The following NAA16 variants were observed in gnomAD, a reference collection of about 807,000 sequenced individuals.
NAA16 encodes N-alpha-acetyltransferase 16, NatA auxiliary subunit.
Under a neutral mutation model 110.3 loss-of-function variants are expected in NAA16, and 97 were observed. The ratio of observed to expected loss-of-function variants is 0.88; its 90% CI spans 0.75 to 1.04. NAA16 has a LOEUF of 1.04. Ranked by LOEUF, NAA16 falls within the 50% of genes least tolerant of loss-of-function variation. The probability of loss-of-function intolerance (pLI) is 0.00; values close to 1 mark genes in which losing one functional copy is unlikely to be tolerated. For synonymous variants in NAA16, 372 were observed against 330.6 expected (o/e 1.13, Z -1.36); for missense variants, 1,017 against 1,005.1 (o/e 1.01, Z -0.16).
intron 10 of NAA16, 38 bp downstream of exon 10, chr13:41,355,254 C>G (rs745451867): frequency 7.9e-7 from 1 of 1,260,744 alleles, no homozygotes; most frequent in Non-Finnish European, 1.1e-6. Flanking sequence ...TTTGATTACT[C>G]ATTTCATTTT....
intron 8 of NAA16, among the ~76,000 whole-genome samples, chr13:41,332,394 C>T (rs2042263719): frequency 1.3e-5 from 2 of 151,950 alleles, no homozygotes; most frequent in Non-Finnish European, 1.5e-5. Context: ...AGGAGTACTC[C>T]GGTATATATT....
Position 41,376,863 on chromosome 13 carries a change from C to T in NAA16, c.*1261C>T, listed in dbSNP as rs775321755. The T allele has an allele frequency of 6.6e-6, 1 of 152,074 alleles. No homozygotes were observed. The highest frequency in any genetic ancestry group is 1.5e-5 in the Non-Finnish European group (1 of 68,012). The allele number at this position is 152,074 out of a possible 1,614,324, so 9.4% of individuals were successfully genotyped here. ...TGTAAATATGTCTGTAATATTAATG[C>T]TTCCCTTTATTAAGACAAATATACA... On this transcript the variant is annotated 3_prime_UTR_variant, in exon 20 of 20. Coordinates refer to ENST00000379406, the MANE Select transcript of NAA16 (RefSeq NM_024561.5).
Position 41,374,789 on chromosome 13 carries a change from A to T in NAA16, c.2347A>T (p.Ile783Phe), listed in dbSNP as rs2043395999. Residue 783 changes from isoleucine to phenylalanine, a missense_variant, in exon 19 of 20, where the codon ATT becomes TTT. Transcript: ENST00000379406. Reference protein sequence around the residue: ...FLDKSRQEKAIAIATRLDETI... With the variant: ...FLDKSRQEKAFAIATRLDETI... Reference sequence around the variant, plus strand: ...GGACAAGTCAAGGCAGGAGAAAGCAATTGCTATAGCCACTAGACTAGATGA... The same window carrying T: ...GGACAAGTCAAGGCAGGAGAAAGCATTTGCTATAGCCACTAGACTAGATGA... 6.2e-7 allele frequency: 1 copy of T among 1,613,120 alleles called. No homozygotes were observed. Among genetic ancestry groups the T allele is most frequent in the Non-Finnish European group, 8.5e-7 (1 of 1,179,452 alleles).
chr13:41,311,489 T>C lies in NAA16; in HGVS notation c.-40T>C. 2 of 1,566,836 alleles carry C rather than the reference T, an allele frequency of 1.3e-6. No individual in the cohort carries two copies. The highest frequency in any genetic ancestry group is 1.7e-6 in the Non-Finnish European group (2 of 1,156,254). On this transcript the variant is annotated 5_prime_UTR_variant, in exon 1 of 20. Coordinates refer to ENST00000379406, the MANE Select transcript of NAA16 (RefSeq NM_024561.5). ...CCGCGAAGCGGAGCGCCCGGGCACC[T>C]AGCCTCCCTGCCGGCCACCTAGCCT...
Position 41,358,327 on chromosome 13 carries a change from A to G in NAA16, c.1111A>G (p.Thr371Ala), listed in dbSNP as rs764280298. The G allele has an allele frequency of 6.2e-7, 1 of 1,613,854 alleles. No individual in the cohort carries two copies. Among genetic ancestry groups the G allele is most frequent in the South Asian group, 1.1e-5 (1 of 91,022 alleles). ...PYENGEKEPP[T>A]TLLWVQYFLA... ...AGAGAATGGGGAGAAGGAACCCCCG[A>G]CAACACTACTCTGGGTTCAGTATTT... The change falls in exon 11 of 20, where the codon ACA (threonine) becomes GCA (alanine). Residue 371 changes from threonine to alanine, a missense_variant. By Grantham distance (58) the Thr-to-Ala change is moderately conservative. Coordinates refer to ENST00000379406, the MANE Select transcript of NAA16 (RefSeq NM_024561.5).
Position 41,345,763 on chromosome 13 carries a change from C to G in NAA16, c.1014+9007C>G, listed in dbSNP as rs74833565. Reference sequence around the variant, plus strand: ...GTGCCTGGCTCATTTTTTATAGAGACAGGGTTTCACCATTTGCCCAGGCTG... The same window carrying G: ...GTGCCTGGCTCATTTTTTATAGAGAGAGGGTTTCACCATTTGCCCAGGCTG... On this transcript the variant is annotated intron_variant, in intron 9 of 19. Transcript: ENST00000379406. Among the ~76,000 whole-genome samples, 174 of 152,144 alleles carry G rather than the reference C, an allele frequency of 1.1e-3. 3 individuals are homozygous for G. In the East Asian group the frequency reaches 0.031, roughly 27 times the overall value.
intron 1 of NAA16, among the ~76,000 whole-genome samples, chr13:41,312,604 A>G (rs2041657445): frequency 1.3e-5 from 2 of 152,218 alleles, no homozygotes; most frequent in Non-Finnish European, 2.9e-5. Flanking sequence ...TTAAAGGTGA[A>G]TTTATTGAAA....
At chr13:41,328,184 C>T (rs1442647760) in intron 6 of NAA16, 1 of 152,008 alleles carries the variant, frequency 6.6e-6, no homozygotes, top group African/African-American at 2.4e-5. Flanking sequence ...GACCTTTTAC[C>T]AACCCGCTGA....
chr13:41,350,297 GTTT>G (rs71086566), intron 9 of NAA16, among the ~76,000 whole-genome samples: 2 of 127,356 alleles, frequency 1.6e-5, no homozygotes, highest in East Asian at 2.3e-4. Flanking sequence ...AATCAGTTTT[GTTT>G]TTTTTTTTTT....
chr13:41,367,295 A>C, intron 13 of NAA16, 144 bp from the exon 14 acceptor site: 1 of 553,320 alleles, frequency 1.8e-6, no homozygotes, highest in East Asian at 2.9e-5. Flanking sequence ...CATATCCTTT[A>C]TAGTGTAAAA....
chr13:41,318,937 TTA>T lies in NAA16; in HGVS notation c.244+29_244+30del. On this transcript the variant is annotated intron_variant, in intron 3 of 19. Transcript: ENST00000379406. Reference sequence around the variant, plus strand: ...TATCCTTTTGCAGTAGTTAAATAGTTTATGTTTTAGCTAGTTTTTTCCTAATT... The same window carrying T: ...TATCCTTTTGCAGTAGTTAAATAGTTTGTTTTAGCTAGTTTTTTCCTAATT... 3 of 1,390,976 alleles carry T rather than the reference TTA, an allele frequency of 2.2e-6. No homozygotes were observed. In the South Asian group the frequency reaches 4.1e-5, roughly 19 times the overall value. 86.2% of individuals were successfully genotyped at this position (1,390,976 alleles called of 1,614,324 possible).
At chr13:41,357,041 G>A (rs953594623) in intron 10 of NAA16, among the ~76,000 whole-genome samples, 4 of 152,182 alleles carry the variant, frequency 2.6e-5, no homozygotes, top group African/African-American at 4.8e-5. Context: ...ACGGCGTGGG[G>A]GCACGGTGGC....
At chr13:41,330,989 A>C (rs547079089) in intron 7 of NAA16, among the ~76,000 whole-genome samples, 2 of 152,044 alleles carry the variant, frequency 1.3e-5, no homozygotes, top group African/African-American at 2.4e-5. Flanking sequence ...GAAGTGCAGC[A>C]TATCTTGAGT....
Position 41,311,462 on chromosome 13 carries a change from C to T in NAA16, c.-67C>T, listed in dbSNP as rs904587629. On this transcript the variant is annotated 5_prime_UTR_variant, in exon 1 of 20. Transcript: ENST00000379406. The stretch of plus-strand genomic sequence containing the variant: ...AGCAGCGGTTCGTCCCGGTGCCCAC[C>T]CCCGCGAAGCGGAGCGCCCGGGCAC... The T allele has an allele frequency of 8.1e-6, 12 of 1,488,198 alleles. No homozygotes were observed. Among genetic ancestry groups the T allele is most frequent in the Non-Finnish European group, 1.0e-5 (11 of 1,090,492 alleles). 92.2% of individuals were successfully genotyped at this position (1,488,198 alleles called of 1,614,324 possible). A position where few individuals can be genotyped will look rare whatever the true frequency, so the allele number is the denominator to read the frequency against.
chr13:41,351,997 A>G (rs1032613770), intron 9 of NAA16, among the ~76,000 whole-genome samples: 1 of 152,244 alleles, frequency 6.6e-6, no homozygotes, highest in Non-Finnish European at 1.5e-5. Context: ...AACTTCTTAG[A>G]TTAACTTTCA....
intron 17 of NAA16, 168 bp from the exon 18 acceptor site, chr13:41,373,469 G>C: frequency 2.0e-6 from 1 of 488,460 alleles, no homozygotes; most frequent in Non-Finnish European, 2.7e-6. Flanking sequence ...TGTTGGCCAG[G>C]CTGGTCTCAA....
chr13:41,362,195 T>A, intron 13 of NAA16, 36 bp downstream of exon 13: 1 of 1,567,332 alleles, frequency 6.4e-7, no homozygotes, highest in Non-Finnish European at 8.6e-7. Context: ...GTTTTCACTG[T>A]AAGGTGATAA....
chr13:41,339,423 G>A (rs1411413667), intron 9 of NAA16, among the ~76,000 whole-genome samples: 1 of 152,182 alleles, frequency 6.6e-6, no homozygotes, highest in Non-Finnish European at 1.5e-5. Flanking sequence ...ACAGGCGTGA[G>A]CCACCGCGCC....
chr13:41,375,378 A>C, intron 19 of NAA16, 27 bp from the exon 20 acceptor site: 1 of 1,540,666 alleles, frequency 6.5e-7, no homozygotes, highest in South Asian at 1.2e-5. Context: ...TTTTTAAATA[A>C]TTTGTGTTTT....
Sources: gnomAD v4.1 joint callset for allele counts (sites outside exome capture counted in the v4.1 genomes callset) on GRCh38, gnomAD v4.1.1 for gene constraint, MANE v1.5 for transcripts, NCBI Gene and HGNC (gene_info 2026-07-23, HGNC 2026-07-21) for gene names.